ALOX5AP: variants seen among roughly 807,000 people sequenced by gnomAD.
ALOX5AP encodes the protein arachidonate 5-lipoxygenase-activating protein.
Under a neutral mutation model 18.5 loss-of-function variants are expected in ALOX5AP, and 9 were observed. That is an observed-to-expected ratio of 0.49 (90% CI 0.29 to 0.85). The LOEUF (loss-of-function observed/expected upper bound fraction) is 0.85, where lower values mean the gene tolerates loss of function less well. Ranked by LOEUF, ALOX5AP falls within the 40% of genes least tolerant of loss-of-function variation. The probability of loss-of-function intolerance (pLI) is 0.08; values close to 1 mark genes in which losing one functional copy is unlikely to be tolerated. For synonymous variants in ALOX5AP, 81 were observed against 78.6 expected, an observed-to-expected ratio of 1.03 and a Z score of -0.16; for missense variants, 172 against 202.5, an observed-to-expected ratio of 0.85 and a Z score of 0.91.
chr13:30,713,798 T>C, exon 1 of ALOX5AP: 1 of 1,535,748 alleles, frequency 6.5e-7, no homozygotes, highest in Non-Finnish European at 8.7e-7. Context: ...TGGGAAATCC[T>C]TTGGCACCTT....
At chr13:30,756,716 G>C (rs1386180489) in intron 4 of ALOX5AP, among the ~76,000 whole-genome samples, 1 of 151,192 alleles carries the variant, frequency 6.6e-6, no homozygotes, top group East Asian at 1.9e-4. Context: ...CATAGGCTGA[G>C]GCTGGAGAAT....
At chr13:30,753,181 G>T (rs1036099109) in intron 3 of ALOX5AP, among the ~76,000 whole-genome samples, 2 of 152,200 alleles carry the variant, frequency 1.3e-5, no homozygotes, top group Non-Finnish European at 2.9e-5. Flanking sequence ...TATGGGAAGA[G>T]AACCAAGTTC....
Position 30,743,577 on chromosome 13 carries a change from C to T in ALOX5AP, c.71-483C>T, listed in dbSNP as rs572074212. Among the ~76,000 whole-genome samples the T allele has an allele frequency of 4.5e-4, 68 of 152,084 alleles. 1 individual carries two copies. Among genetic ancestry groups the T allele is most frequent in the African/African-American group, 1.6e-3 (65 of 41,524 alleles). On this transcript the variant is annotated intron_variant, in intron 1 of 4. Transcript: ENST00000380490. ...ACCACAGACAGTTCTTTACCCTGAA[C>T]CTTTGCATATTTTGTTCTCTTAGCT...
intron 1 of ALOX5AP, among the ~76,000 whole-genome samples, chr13:30,726,136 G>C (rs1352665916): frequency 1.3e-5 from 2 of 152,134 alleles, no homozygotes; most frequent in Admixed American, 6.6e-5. Flanking sequence ...TCCTGTGGGG[G>C]GAATGCTTCC....
intron 2 of ALOX5AP, among the ~76,000 whole-genome samples, chr13:30,747,175 T>G (rs1421725895): frequency 6.6e-6 from 1 of 152,252 alleles, no homozygotes; most frequent in Non-Finnish European, 1.5e-5. Flanking sequence ...ATTTTAATTC[T>G]AATTAATTCA....
At chr13:30,763,514 A>C (rs995852269) in intron 4 of ALOX5AP, among the ~76,000 whole-genome samples, 2 of 152,154 alleles carry the variant, frequency 1.3e-5, no homozygotes, top group African/African-American at 4.8e-5. Flanking sequence ...GCTCATTTAA[A>C]CTTCACTTCT....
chr13:30,735,418 C>T, upstream of ALOX5AP: 1 of 1,252,958 alleles, frequency 8.0e-7, no homozygotes, highest in Non-Finnish European at 1.0e-6. Context: ...ACAGCCAGGG[C>T]ATTTTGGTGG....
intron 1 of ALOX5AP, 111 bp from the exon 2 acceptor site, chr13:30,743,949 G>A (rs1301866816): frequency 2.0e-5 from 16 of 807,754 alleles, no homozygotes; most frequent in African/African-American, 5.1e-5. Context: ...GACATTTAGG[G>A]TTGCTTGGAG....
Position 30,764,143 on chromosome 13 carries a change from T to A in ALOX5AP, c.*37T>A. ...ATATGGGGTTGGTGTTCTCATCTAA[T>A]CAATACCTACAAGTCATCATAATTC... On this transcript the variant is annotated 3_prime_UTR_variant, in exon 5 of 5. Transcript: ENST00000380490. 1 of 1,595,400 alleles carries A rather than the reference T, an allele frequency of 6.3e-7. No individual in the cohort carries two copies. The highest frequency in any genetic ancestry group is 1.1e-5 in the South Asian group (1 of 89,248).
At chr13:30,743,023 G>C (rs1010905645) in intron 1 of ALOX5AP, among the ~76,000 whole-genome samples, 1 of 151,908 alleles carries the variant, frequency 6.6e-6, no homozygotes, top group Non-Finnish European at 1.5e-5. Flanking sequence ...AGACAGGGTG[G>C]CTTTCTGATG....
chr13:30,735,360 C>A, upstream of ALOX5AP: 1 of 712,704 alleles, frequency 1.4e-6, no homozygotes, highest in Non-Finnish European at 2.2e-6. Flanking sequence ...GCTGGCTTTG[C>A]GTGCTCCTCT....
intron 4 of ALOX5AP, 107 bp from the exon 5 acceptor site, chr13:30,763,837 G>A: frequency 9.8e-7 from 1 of 1,019,794 alleles, no homozygotes; most frequent in Non-Finnish European, 1.5e-6. Flanking sequence ...TGAGTCCAGG[G>A]AGCTATAATT....
At chr13:30,757,249 G>A (rs896657197) in intron 4 of ALOX5AP, among the ~76,000 whole-genome samples, 2 of 152,132 alleles carry the variant, frequency 1.3e-5, no homozygotes, top group African/African-American at 2.4e-5. Context: ...ATCCTAGGGA[G>A]GTCAGCGGGT....
intron 2 of ALOX5AP, among the ~76,000 whole-genome samples, chr13:30,744,748 A>G (rs556651730): frequency 6.6e-6 from 1 of 152,220 alleles, no homozygotes; most frequent in Non-Finnish European, 1.5e-5. Flanking sequence ...GCTCCTAAAG[A>G]TGGGTGCAAT....
At chr13:30,737,946 C>T (rs531354256) in intron 1 of ALOX5AP, among the ~76,000 whole-genome samples, 3 of 152,338 alleles carry the variant, frequency 2.0e-5, no homozygotes, top group South Asian at 4.1e-4. Context: ...CCAAGCCTCT[C>T]TTTGCAATTC....
At chr13:30,762,198 G>A (rs1282064261) in intron 4 of ALOX5AP, among the ~76,000 whole-genome samples, 1 of 152,202 alleles carries the variant, frequency 6.6e-6, no homozygotes. Flanking sequence ...CAAGTTTCCA[G>A]TGTGGGGGCT....
intron 2 of ALOX5AP, among the ~76,000 whole-genome samples, chr13:30,748,063 C>A (rs945059235): frequency 2.6e-5 from 4 of 152,042 alleles, no homozygotes; most frequent in Non-Finnish European, 2.9e-5. Flanking sequence ...GGGATTACAG[C>A]ATGCACCACC....
At chr13:30,746,011 TGAA>T (rs1428914130) in intron 2 of ALOX5AP, among the ~76,000 whole-genome samples, 1 of 152,208 alleles carries the variant, frequency 6.6e-6, no homozygotes. Flanking sequence ...TTGCTGGCAA[TGAA>T]GAAGAAATGG....
At chr13:30,731,132 G>A (rs971079375), upstream of ALOX5AP, among the ~76,000 whole-genome samples, 4 of 152,172 alleles carry the variant, frequency 2.6e-5, no homozygotes, top group South Asian at 2.1e-4. Flanking sequence ...CCCGTGAAGT[G>A]TATATGTCTT....
Sources: gnomAD v4.1 joint callset for allele counts (sites outside exome capture counted in the v4.1 genomes callset) on GRCh38, gnomAD v4.1.1 for gene constraint, MANE v1.5 for transcripts, NCBI Gene and HGNC (gene_info 2026-07-23, HGNC 2026-07-21) for gene names.